The following MTX2 variants were observed in gnomAD, a reference collection of about 807,000 sequenced individuals.
The protein encoded by MTX2 is metaxin-2.
Under a neutral mutation model 42.3 loss-of-function variants are expected in MTX2, and 35 were observed. That is an observed-to-expected ratio of 0.83 (90% CI 0.63 to 1.10). MTX2 has a LOEUF of 1.10. MTX2 is among the 50% of genes least tolerant of loss of function. MTX2 has a pLI of 0.00. For missense variants in MTX2, 307 were observed against 304.1 expected, an observed-to-expected ratio of 1.01 and a Z score of -0.07; for synonymous variants, 119 against 100.9, an observed-to-expected ratio of 1.18 and a Z score of -1.08.
At chr2:176,296,096 T>C (rs1159937118) in intron 1 of MTX2, among the ~76,000 whole-genome samples, 2 of 152,178 alleles carry the variant, frequency 1.3e-5, no homozygotes, top group African/African-American at 2.4e-5. Flanking sequence ...TCTAGTACTT[T>C]TCCCAAACAC....
intron 9 of MTX2, among the ~76,000 whole-genome samples, chr2:176,337,255 T>G (rs1685013532): frequency 6.6e-6 from 1 of 152,136 alleles, no homozygotes; most frequent in African/African-American, 2.4e-5. Context: ...TTGTTCAGGC[T>G]GGTTGTGAAT....
intron 1 of MTX2, among the ~76,000 whole-genome samples, chr2:176,276,482 A>G (rs544211423): frequency 1.4e-4 from 21 of 152,308 alleles, no homozygotes; most frequent in African/African-American, 4.3e-4. Flanking sequence ...AAAGGTTAGG[A>G]ACAAGGTCAT....
At chr2:176,292,688 G>A (rs1693355458) in intron 1 of MTX2, among the ~76,000 whole-genome samples, 1 of 152,072 alleles carries the variant, frequency 6.6e-6, no homozygotes, top group South Asian at 2.1e-4. Flanking sequence ...GCCCAGTTTA[G>A]GATTTTCACT....
At chr2:176,275,462 C>A (rs1692925547) in intron 1 of MTX2, among the ~76,000 whole-genome samples, 1 of 152,140 alleles carries the variant, frequency 6.6e-6, no homozygotes, top group African/African-American at 2.4e-5. Flanking sequence ...TTGTCTTGAA[C>A]TGCTGGCCTC....
At chr2:176,295,520 C>G (rs141433273) in intron 1 of MTX2, among the ~76,000 whole-genome samples, 6 of 152,146 alleles carry the variant, frequency 3.9e-5, no homozygotes, top group African/African-American at 1.4e-4. Flanking sequence ...CAGTCCCTTA[C>G]GTATATGTGT....
In MTX2 at chr2:176,337,678, T is replaced by C. The variant is rs1685029502; in HGVS notation, c.*14T>C. On this transcript the variant is annotated 3_prime_UTR_variant, in exon 10 of 10. Coordinates refer to ENST00000249442, the MANE Select transcript of MTX2 (RefSeq NM_006554.5). Reference sequence around the variant, plus strand: ...AGGCTGTCATAGAGTTATGTGTTAGTCTCAGGAGTCTTAACTTTTGAAATA... The same window carrying C: ...AGGCTGTCATAGAGTTATGTGTTAGCCTCAGGAGTCTTAACTTTTGAAATA... 1 of 1,540,290 alleles carries C rather than the reference T, an allele frequency of 6.5e-7. No homozygotes were observed. The highest frequency in any genetic ancestry group is 1.4e-5 in the African/African-American group (1 of 72,082).
In MTX2 at chr2:176,285,513, A is replaced by C. The variant is rs77683102; in HGVS notation, c.41-11347A>C. On this transcript the variant is annotated intron_variant, in intron 1 of 9. Coordinates refer to ENST00000249442, the MANE Select transcript of MTX2 (RefSeq NM_006554.5). ...CACCTCCAAAAGAAACTCCTTGCCC[A>C]TTTACAGCCACTCCTCATTCCCACC... Among the ~76,000 whole-genome samples, 874 of 147,300 alleles carry C rather than the reference A, an allele frequency of 5.9e-3. 4 individuals are homozygous for C. The highest frequency in any genetic ancestry group is 0.021 in the African/African-American group (822 of 39,872).
At chr2:176,313,363 AACT>A (rs1279757136) in intron 3 of MTX2, among the ~76,000 whole-genome samples, 1 of 148,530 alleles carries the variant, frequency 6.7e-6, no homozygotes, top group African/African-American at 2.5e-5. Context: ...TCTGCTCATT[AACT>A]TCTTATTGTT....
rs1685030769 is a variant in MTX2, at chr2:176,337,702, T to C, written c.*38T>C. On this transcript the variant is annotated 3_prime_UTR_variant, in exon 10 of 10. Transcript: ENST00000249442. ...GTCTCAGGAGTCTTAACTTTTGAAA[T>C]ATGTTTTACTTGAATGTTACATTAG... 1 of 1,475,194 alleles carries C rather than the reference T, an allele frequency of 6.8e-7. No individual in the cohort carries two copies. Among genetic ancestry groups the C allele is most frequent in the African/African-American group, 1.4e-5 (1 of 70,138 alleles). The allele number at this position is 1,475,194 out of a possible 1,614,324, so 91.4% of individuals were successfully genotyped here.
intron 4 of MTX2, among the ~76,000 whole-genome samples, chr2:176,324,521 T>A (rs1198423784): frequency 6.6e-6 from 1 of 151,720 alleles, no homozygotes; most frequent in Non-Finnish European, 1.5e-5. Flanking sequence ...TTTTAGGAAC[T>A]ACAGAGTTCT....
chr2:176,297,054 A>G (rs1683905167), intron 2 of MTX2, 147 bp downstream of exon 2: 1 of 860,222 alleles, frequency 1.2e-6, no homozygotes, highest in Non-Finnish European at 1.8e-6. Context: ...TTTTACCTGA[A>G]CTTGTATCTG....
intron 3 of MTX2, among the ~76,000 whole-genome samples, chr2:176,312,659 T>G (rs1410739261): frequency 2.0e-5 from 3 of 150,610 alleles, no homozygotes; most frequent in African/African-American, 4.9e-5. Flanking sequence ...AGGTCAGGAG[T>G]TTGAGACCAG....
intron 1 of MTX2, among the ~76,000 whole-genome samples, chr2:176,284,106 C>CT (rs564311548): frequency 2.1e-4 from 31 of 147,086 alleles, no homozygotes; most frequent in South Asian, 4.3e-4. Context: ...GGATTTTTTT[C>CT]TTTTTTTTTT....
intron 3 of MTX2, among the ~76,000 whole-genome samples, chr2:176,302,097 G>T (rs1018926479): frequency 6.7e-6 from 1 of 148,946 alleles, no homozygotes; most frequent in South Asian, 2.1e-4. Context: ...TTCGCTTCAT[G>T]TATGTGAAGC....
chr2:176,334,810 T>C (rs957652480), intron 9 of MTX2, among the ~76,000 whole-genome samples: 1 of 152,030 alleles, frequency 6.6e-6, no homozygotes, highest in Non-Finnish European at 1.5e-5. Context: ...TATAAAGATA[T>C]ATACAGCATT....
At position 176,337,623 on chromosome 2, in the gene MTX2, C is replaced by T. The variant is rs1685027452; in HGVS notation, c.751C>T (p.Gln251Ter). 1 of 1,612,362 alleles carries T rather than the reference C, an allele frequency of 6.2e-7. No individual in the cohort carries two copies. Among genetic ancestry groups the T allele is most frequent in the Non-Finnish European group, 8.5e-7 (1 of 1,179,184 alleles). The part of the protein sequence containing the change: ...NLLAFCRRIE[Q>*]HYFEDRGKGR... ...CCTTGCTTTCTGTAGGAGAATTGAA[C>T]AGCACTATTTTGAAGATCGTGGTAA... is the stretch of plus-strand genomic sequence containing the variant. The change falls in exon 10 of 10, where the codon CAG becomes TAG. Residue 251 changes from glutamine (Q) to a stop codon, truncating the protein, a stop_gained. Transcript: ENST00000249442. LOFTEE classifies it high-confidence loss of function.
At chr2:176,305,660 A>G (rs1355669313) in intron 3 of MTX2, among the ~76,000 whole-genome samples, 3 of 152,002 alleles carry the variant, frequency 2.0e-5, no homozygotes, top group Non-Finnish European at 2.9e-5. Context: ...TCTCTATTCT[A>G]ATTGTCTCTT....
rs547238455 is a variant in MTX2, at chr2:176,276,765, A to G, written c.40+7096A>G. Among the ~76,000 whole-genome samples the G allele has an allele frequency of 1.1e-4, 17 of 152,192 alleles. No homozygotes were observed. The East Asian group carries it at 3.3e-3, about 29-fold the overall frequency. ...CATTTTGGACAGCAGAAAATGCCCA[A>G]AGTATTCTTACTTTTCTTTACTCAT... On this transcript the variant is annotated intron_variant, in intron 1 of 9. Transcript: ENST00000249442.
intron 3 of MTX2, among the ~76,000 whole-genome samples, chr2:176,301,100 T>G (rs575831998): frequency 1.3e-5 from 2 of 152,286 alleles, no homozygotes; most frequent in South Asian, 4.1e-4. Flanking sequence ...ATCTAAAAAT[T>G]AATATTGAAT....
Sources: allele counts gnomAD v4.1 joint callset (sites outside exome capture counted in the v4.1 genomes callset), GRCh38; gene constraint gnomAD v4.1.1; transcripts MANE v1.5; gene names NCBI Gene and HGNC (gene_info 2026-07-23, HGNC 2026-07-21).